ATE1: variants seen among roughly 807,000 people sequenced by gnomAD.
The protein encoded by ATE1 is arginyl-tRNA--protein transferase 1.
Under a neutral mutation model 70.5 loss-of-function variants are expected in ATE1, and 36 were observed. The ratio of observed to expected loss-of-function variants is 0.51; its 90% CI spans 0.39 to 0.67. The LOEUF (loss-of-function observed/expected upper bound fraction) is 0.67, where lower values mean the gene tolerates loss of function less well. Among genes scored for constraint, ATE1 ranks in the 30% least tolerant of loss-of-function variants. The pLI, the probability that ATE1 is intolerant of heterozygous loss-of-function variation, is 0.00. For missense variants in ATE1, 593 were observed against 629.5 expected, an observed-to-expected ratio of 0.94 and a Z score of 0.62; for synonymous variants, 232 against 219.3, an observed-to-expected ratio of 1.06 and a Z score of -0.51.
At chr10:121,899,007 AC>A (rs765196163) in intron 7 of ATE1, 8 of 1,606,774 alleles carry the variant, frequency 5.0e-6, no homozygotes, top group Non-Finnish European at 6.8e-6. Flanking sequence ...TGCTATTGAA[AC>A]ATCTCTGATG....
chr10:121,801,623 CATAT>C (rs964303492), intron 10 of ATE1, among the ~76,000 whole-genome samples: 1 of 152,128 alleles, frequency 6.6e-6, no homozygotes, highest in African/African-American at 2.4e-5. Context: ...TATGAATATT[CATAT>C]ATGTGTCTAT....
intron 11 of ATE1, among the ~76,000 whole-genome samples, chr10:121,764,693 T>G (rs1293895472): frequency 6.6e-6 from 1 of 152,206 alleles, no homozygotes; most frequent in Non-Finnish European, 1.5e-5. Context: ...GCCTCCCTAC[T>G]GAACCTCAAG....
At chr10:121,748,019 C>T (rs998587211) in intron 11 of ATE1, among the ~76,000 whole-genome samples, 1 of 152,088 alleles carries the variant, frequency 6.6e-6, no homozygotes, top group African/African-American at 2.4e-5. Flanking sequence ...AAGTGAAGAT[C>T]GGTGAGATCA....
chr10:121,927,387 T>C (rs1952138323), intron 1 of ATE1: 25 of 984,798 alleles, frequency 2.5e-5, no homozygotes, highest in Non-Finnish European at 2.9e-5. Flanking sequence ...ATCCTTCCTG[T>C]ACATTCGTCC....
rs564119341 is a variant in ATE1, at chr10:121,861,983, G to A, written c.975+8023C>T. 8.5e-5 allele frequency among the ~76,000 whole-genome samples: 13 copies of A among 152,228 alleles called. 1 individual carries two copies. Among genetic ancestry groups the A allele is most frequent in the African/African-American group, 2.4e-4 (10 of 41,546 alleles). ...ATTCTCTGAAGATGTCTAGTCCCCC[G>A]AGTAGTTACCTCTCTGTTCCCGGGG... is the stretch of plus-strand genomic sequence containing the variant. On this transcript the variant is annotated intron_variant, in intron 8 of 11. Coordinates refer to ENST00000224652, the MANE Select transcript of ATE1 (RefSeq NM_001001976.3).
chr10:121,816,619 A>C (rs959979907), intron 10 of ATE1, among the ~76,000 whole-genome samples: 1 of 152,144 alleles, frequency 6.6e-6, no homozygotes, highest in African/African-American at 2.4e-5. Context: ...GCCATCTTGA[A>C]AGCAGAGACA....
At chr10:121,869,888 A>C in intron 8 of ATE1, 118 bp downstream of exon 8, 3 of 932,488 alleles carry the variant, frequency 3.2e-6, no homozygotes, top group Non-Finnish European at 4.9e-6. Context: ...TTATTGAAGA[A>C]TATATGTGTC....
intron 5 of ATE1, among the ~76,000 whole-genome samples, chr10:121,906,541 A>AATAAAATAAT (rs1951199518): frequency 6.6e-6 from 1 of 150,980 alleles, no homozygotes; most frequent in Non-Finnish European, 1.5e-5. Context: ...AATAAAATAA[A>AATAAAATAAT]ATAAAATAAA....
chr10:121,788,452 T>C (rs781310138), intron 11 of ATE1, among the ~76,000 whole-genome samples: 6 of 152,156 alleles, frequency 3.9e-5, no homozygotes, highest in Admixed American at 1.3e-4. Flanking sequence ...TAAGGTATCA[T>C]CATGTGTAAG....
Position 121,870,039 on chromosome 10 carries a change from CT to C in ATE1, c.943-2del. On this transcript the variant is annotated splice_acceptor_variant, in intron 7 of 11. Transcript: ENST00000224652. LOFTEE classifies it high-confidence loss of function. ...GTGAACTGCAAAGGAATCTTGTGAA[CT>C]GCAGTCAAATTTGAACAGAATCCAT... The C allele has an allele frequency of 6.2e-7, 1 of 1,610,144 alleles. No individual in the cohort carries two copies. The highest frequency in any genetic ancestry group is 8.5e-7 in the Non-Finnish European group (1 of 1,177,298).
chr10:121,902,900 C>T (rs1203935586), intron 5 of ATE1, among the ~76,000 whole-genome samples: 1 of 152,120 alleles, frequency 6.6e-6, no homozygotes. Context: ...GAGTCTCGCT[C>T]TGTCACCCAG....
chr10:121,802,690 C>T (rs570914216), intron 10 of ATE1, among the ~76,000 whole-genome samples: 1 of 152,238 alleles, frequency 6.6e-6, no homozygotes, highest in South Asian at 2.1e-4. Context: ...TTCACCTCAC[C>T]ACCCACTGCT....
intron 7 of ATE1, among the ~76,000 whole-genome samples, chr10:121,871,261 C>T (rs1003759093): frequency 6.6e-6 from 1 of 152,000 alleles, no homozygotes; most frequent in African/African-American, 2.4e-5. Flanking sequence ...GAGTTCGAGT[C>T]GAGCCTGGCC....
chr10:121,837,641 T>A (rs998686052), intron 9 of ATE1, among the ~76,000 whole-genome samples: 1 of 152,238 alleles, frequency 6.6e-6, no homozygotes, highest in African/African-American at 2.4e-5. Flanking sequence ...AAGAAATGTA[T>A]TTGTAATGCA....
chr10:121,837,228 T>C (rs1948465685), intron 9 of ATE1, among the ~76,000 whole-genome samples: 1 of 152,216 alleles, frequency 6.6e-6, no homozygotes, highest in South Asian at 2.1e-4. Flanking sequence ...ATAACTATTA[T>C]TATGACCATT....
intron 10 of ATE1, among the ~76,000 whole-genome samples, chr10:121,813,707 G>A (rs982264153): frequency 1.3e-5 from 2 of 152,128 alleles, no homozygotes; most frequent in Non-Finnish European, 2.9e-5. Context: ...TCAAGAACTG[G>A]CAAGCAGGTG....
At chr10:121,805,746 T>C (rs984204339) in intron 10 of ATE1, among the ~76,000 whole-genome samples, 1 of 152,318 alleles carries the variant, frequency 6.6e-6, no homozygotes, top group South Asian at 2.1e-4. Flanking sequence ...TCCTTAACGT[T>C]TGCAAGAAAC....
intron 7 of ATE1, among the ~76,000 whole-genome samples, chr10:121,895,576 C>T (rs1342269066): frequency 4.6e-5 from 7 of 151,912 alleles, no homozygotes; most frequent in Non-Finnish European, 2.9e-5. Context: ...ATCACGCCAT[C>T]GCACTCCAGC....
chr10:121,792,487 T>C (rs1047867812), intron 10 of ATE1, among the ~76,000 whole-genome samples: 10 of 152,196 alleles, frequency 6.6e-5, no homozygotes, highest in Non-Finnish European at 1.5e-4. Flanking sequence ...ACTGCACTGT[T>C]GCTGCCTCAC....
Sources: allele counts gnomAD v4.1 joint callset (sites outside exome capture counted in the v4.1 genomes callset), GRCh38; gene constraint gnomAD v4.1.1; transcripts MANE v1.5; gene names NCBI Gene and HGNC (gene_info 2026-07-23, HGNC 2026-07-21).